Variants in PROS1 observed in about 807,000 individuals in gnomAD.
The protein encoded by PROS1 is vitamin K-dependent protein S.
PROS1 carries 29 observed loss-of-function variants against 75.9 expected under a neutral mutation model. That is an observed-to-expected ratio of 0.38 (90% confidence interval 0.28 to 0.52). The LOEUF is 0.52. Among genes scored for constraint, PROS1 ranks in the 20% least tolerant of loss-of-function variants. The pLI, the probability that PROS1 is intolerant of heterozygous loss-of-function variation, is 0.83. For missense variants in PROS1, 680 were observed against 810.3 expected (o/e 0.84, Z 1.95); for synonymous variants, 245 against 280.6 (o/e 0.87, Z 1.27).
At chr3:93,932,363 A>G (rs574220565) in intron 1 of PROS1, among the ~76,000 whole-genome samples, 20 of 152,324 alleles carry the variant, frequency 1.3e-4, no homozygotes, top group Admixed American at 2.0e-4. Flanking sequence ...CTCTTTTTGT[A>G]TTAGCACACT....
chr3:93,954,949 T>C (rs1167482231), intron 1 of PROS1, among the ~76,000 whole-genome samples: 1 of 152,134 alleles, frequency 6.6e-6, no homozygotes, highest in Non-Finnish European at 1.5e-5. Flanking sequence ...AAGAAGACAT[T>C]TATGCAGCCA....
chr3:93,889,629 G>A (rs1209427343), intron 10 of PROS1, among the ~76,000 whole-genome samples: 3 of 152,132 alleles, frequency 2.0e-5, no homozygotes, highest in Non-Finnish European at 4.4e-5. Flanking sequence ...GGAAGTCAGG[G>A]ACCCCGAATG....
At chr3:93,953,466 C>G (rs1249873969) in intron 1 of PROS1, among the ~76,000 whole-genome samples, 2 of 152,124 alleles carry the variant, frequency 1.3e-5, no homozygotes, top group Non-Finnish European at 2.9e-5. Context: ...TAAACAGAAC[C>G]AAAGACAAAA....
chr3:93,928,260 A>G (rs1163264723), intron 1 of PROS1, among the ~76,000 whole-genome samples: 1 of 150,758 alleles, frequency 6.6e-6, no homozygotes, highest in Middle Eastern at 3.4e-3. Flanking sequence ...GAGTGCAGGA[A>G]TTCAAGGTTA....
intron 3 of PROS1, among the ~76,000 whole-genome samples, chr3:93,914,834 G>A (rs944622453): frequency 6.6e-6 from 1 of 152,122 alleles, no homozygotes; most frequent in Non-Finnish European, 1.5e-5. Flanking sequence ...ACCTCCACCA[G>A]TTCTCCGAAG....
chr3:93,946,436 T>A (rs539500304), intron 1 of PROS1, among the ~76,000 whole-genome samples: 3 of 152,290 alleles, frequency 2.0e-5, no homozygotes, highest in South Asian at 4.1e-4. Context: ...CAAAACAGCA[T>A]GGTACTGGTA....
chr3:93,940,633 G>A (rs925938995), intron 1 of PROS1, among the ~76,000 whole-genome samples: 1 of 151,834 alleles, frequency 6.6e-6, no homozygotes, highest in Non-Finnish European at 1.5e-5. Context: ...CCAACCCAAA[G>A]CCTCCTTCAC....
chr3:93,963,706 A>G (rs1709743142), intron 1 of PROS1, among the ~76,000 whole-genome samples: 1 of 150,512 alleles, frequency 6.6e-6, no homozygotes, highest in Non-Finnish European at 1.5e-5. Flanking sequence ...AGCTAGAAGG[A>G]GAGGTCCCAG....
chr3:93,880,819 A>T (rs1206143859), intron 12 of PROS1, among the ~76,000 whole-genome samples: 2 of 152,174 alleles, frequency 1.3e-5, no homozygotes, highest in African/African-American at 2.4e-5. Flanking sequence ...TATTAAAGTA[A>T]TTTTTTTAGA....
At chr3:93,922,068 G>T (rs1043818271) in intron 3 of PROS1, among the ~76,000 whole-genome samples, 22 of 152,238 alleles carry the variant, frequency 1.4e-4, no homozygotes, top group African/African-American at 4.8e-4. Context: ...AGCAGGTCAG[G>T]CCAGCTTTTC....
Position 93,900,305 on chromosome 3 carries a change from T to C in PROS1, c.727+499A>G, listed in dbSNP as rs570423846. ...CTAGAGTATTGTTATCATTTCTTTA[T>C]CATGAGATAATAGAACTGTGTCATT... is the stretch of plus-strand genomic sequence containing the variant. On this transcript the variant is annotated intron_variant, in intron 7 of 14. Transcript: ENST00000394236. 2.0e-5 allele frequency among the ~76,000 whole-genome samples: 3 copies of C among 152,348 alleles called. No individual in the cohort carries two copies. In the South Asian group the frequency reaches 6.2e-4, roughly 32 times the overall value.
chr3:93,908,044 A>G (rs528162114), intron 4 of PROS1, among the ~76,000 whole-genome samples: 3 of 152,264 alleles, frequency 2.0e-5, no homozygotes, highest in South Asian at 4.1e-4. Flanking sequence ...GCTACTCAGG[A>G]GTCTAAAGTG....
At chr3:93,939,657 C>T (rs1247966696) in intron 1 of PROS1, among the ~76,000 whole-genome samples, 4 of 152,106 alleles carry the variant, frequency 2.6e-5, no homozygotes, top group Admixed American at 6.6e-5. Flanking sequence ...CTTTATCTGA[C>T]CTCTCCCAAA....
chr3:93,958,629 G>A (rs1709649340), intron 1 of PROS1: 1 of 152,220 alleles, frequency 6.6e-6, no homozygotes, highest in African/African-American at 2.4e-5. Context: ...TGTTGTGGGA[G>A]GCAACTGGTG....
At chr3:93,888,233 T>C (rs988054747) in intron 10 of PROS1, among the ~76,000 whole-genome samples, 1 of 152,212 alleles carries the variant, frequency 6.6e-6, no homozygotes, top group African/African-American at 2.4e-5. Context: ...AAAATTAATA[T>C]TACCAATGGC....
At chr3:93,901,077 C>G (rs1708586653) in intron 6 of PROS1, 148 bp from the exon 7 acceptor site, 1 of 793,874 alleles carries the variant, frequency 1.3e-6, no homozygotes, top group Non-Finnish European at 2.0e-6. Flanking sequence ...TTAAATCTAT[C>G]ATCATATGTT....
At chr3:93,947,489 A>C (rs1709422737) in intron 1 of PROS1, among the ~76,000 whole-genome samples, 1 of 152,140 alleles carries the variant, frequency 6.6e-6, no homozygotes, top group African/African-American at 2.4e-5. Context: ...TGGGATGACA[A>C]AGAGCAGGAC....
intron 6 of PROS1, 84 bp from the exon 7 acceptor site, chr3:93,901,013 A>C: frequency 6.8e-7 from 1 of 1,460,232 alleles, no homozygotes; most frequent in Non-Finnish European, 9.4e-7. Context: ...TGTTTCCTGG[A>C]TCTTGTTTAA....
chr3:93,971,211 G>A (rs1225456588), intron 1 of PROS1, among the ~76,000 whole-genome samples: 1 of 151,526 alleles, frequency 6.6e-6, no homozygotes, highest in Non-Finnish European at 1.5e-5. Flanking sequence ...GTATGGTGGT[G>A]CATGCCAGCT....
Sources: gnomAD v4.1 joint callset for allele counts (sites outside exome capture counted in the v4.1 genomes callset) on GRCh38, gnomAD v4.1.1 for gene constraint, MANE v1.5 for transcripts, NCBI Gene and HGNC (gene_info 2026-07-23, HGNC 2026-07-21) for gene names.